VPS41: variants seen among roughly 807,000 people sequenced by gnomAD.
The protein encoded by VPS41 is vacuolar protein sorting-associated protein 41 homolog.
A neutral mutation model predicts 130.9 loss-of-function variants in VPS41; 85 were observed. That is an observed-to-expected ratio of 0.65 (90% CI 0.55 to 0.78). The LOEUF (loss-of-function observed/expected upper bound fraction) is 0.78. Among genes scored for constraint, VPS41 ranks in the 30% least tolerant of loss-of-function variants. The probability of loss-of-function intolerance (pLI) is 0.00; values close to 1 mark genes in which losing one functional copy is unlikely to be tolerated. For missense variants in VPS41, 874 were observed against 1,018.7 expected (o/e 0.86, Z 1.93); for synonymous variants, 335 against 332.9 (o/e 1.01, Z -0.07).
intron 21 of VPS41, among the ~76,000 whole-genome samples, chr7:38,754,090 T>C (rs1783739663): frequency 6.6e-6 from 1 of 151,080 alleles, no homozygotes; most frequent in Non-Finnish European, 1.5e-5. Flanking sequence ...AGAATTGAAG[T>C]AGCCCCCCAA....
intron 4 of VPS41, among the ~76,000 whole-genome samples, chr7:38,841,864 A>G (rs1275372327): frequency 6.6e-6 from 1 of 152,200 alleles, no homozygotes; most frequent in Non-Finnish European, 1.5e-5. Flanking sequence ...TTGGCCTCCC[A>G]AAGTGCTGGG....
chr7:38,811,995 A>G (rs1189319289), intron 7 of VPS41, among the ~76,000 whole-genome samples: 3 of 152,130 alleles, frequency 2.0e-5, no homozygotes, highest in African/African-American at 7.2e-5. Context: ...TCTGACTACA[A>G]TTAAGGTAGG....
Position 38,758,393 on chromosome 7 carries a change from T to C in VPS41, c.1511A>G (p.Asp504Gly). The change falls in exon 18 of 29, where the codon GAT becomes GGT. Residue 504 changes from aspartate (D) to glycine (G), a missense_variant. By Grantham distance (94) the Asp-to-Gly change is moderately conservative. Coordinates refer to ENST00000310301, the MANE Select transcript of VPS41 (RefSeq NM_014396.4). ...VQAVRDHLKK[D>G]SQNKTLLKTL... ...TTTAAGTAAAGTCTTGTTCTGACTA[T>C]CTTTCTTCAAATGATCCCGAACTGC... is the stretch of plus-strand genomic sequence containing the variant. 1 of 1,613,466 alleles carries C rather than the reference T, an allele frequency of 6.2e-7. No homozygotes were observed. Among genetic ancestry groups the C allele is most frequent in the Non-Finnish European group, 8.5e-7 (1 of 1,179,684 alleles).
intron 3 of VPS41, among the ~76,000 whole-genome samples, chr7:38,866,936 G>A (rs1236195699): frequency 6.6e-6 from 1 of 152,124 alleles, no homozygotes; most frequent in African/African-American, 2.4e-5. Context: ...TGAATGGATA[G>A]ACAAAACATG....
chr7:38,783,371 C>T (rs1000283067), intron 10 of VPS41, among the ~76,000 whole-genome samples: 24 of 151,724 alleles, frequency 1.6e-4, no homozygotes, highest in African/African-American at 5.8e-4. Context: ...CCCATCTCTA[C>T]TAAAAATACA....
chr7:38,889,559 C>CAAAA (rs200201294), intron 2 of VPS41, among the ~76,000 whole-genome samples: 1 of 120,150 alleles, frequency 8.3e-6, no homozygotes, highest in Non-Finnish European at 1.7e-5. Flanking sequence ...CAAAACAAAA[C>CAAAA]AAAAAAAAAA....
At chr7:38,744,145 G>C (rs926240813) in intron 23 of VPS41, among the ~76,000 whole-genome samples, 5 of 152,196 alleles carry the variant, frequency 3.3e-5, no homozygotes, top group African/African-American at 4.8e-5. Context: ...CTCATGAGAT[G>C]AAAGTATTTA....
At position 38,860,129 on chromosome 7, in the gene VPS41, T is replaced by C. The variant is rs563516632; in HGVS notation, c.246+2416A>G. 2.0e-5 allele frequency among the ~76,000 whole-genome samples: 3 copies of C among 152,308 alleles called. No individual in the cohort carries two copies. In the South Asian group the frequency reaches 6.2e-4, roughly 32 times the overall value. On this transcript the variant is annotated intron_variant, in intron 4 of 28. Coordinates refer to ENST00000310301, the MANE Select transcript of VPS41 (RefSeq NM_014396.4). The stretch of plus-strand genomic sequence containing the variant: ...TATACAGCCATGGGAATAACCTCAG[T>C]GTCACGATTCATTTACAAAATGATC...
In VPS41 at chr7:38,789,744, A is replaced by G; in HGVS notation, c.784+57T>C. ...ATGGCAGTCTGGGTGAGATTAATGAAGACGAAAATTTTGAATGAAGTTTTA... is the reference window on the plus strand; with the variant it reads ...ATGGCAGTCTGGGTGAGATTAATGAGGACGAAAATTTTGAATGAAGTTTTA... On this transcript the variant is annotated intron_variant, in intron 10 of 28. Coordinates refer to ENST00000310301, the MANE Select transcript of VPS41 (RefSeq NM_014396.4). 4 of 1,579,836 alleles carry G rather than the reference A, an allele frequency of 2.5e-6. No homozygotes were observed. The South Asian group carries it at 4.4e-5, about 18-fold the overall frequency.
intron 25 of VPS41, among the ~76,000 whole-genome samples, chr7:38,736,977 A>C (rs902878823): frequency 1.9e-4 from 29 of 152,192 alleles, no homozygotes; most frequent in African/African-American, 6.8e-4. Context: ...CAATATGCAG[A>C]GATTCCACAT....
intron 5 of VPS41, among the ~76,000 whole-genome samples, chr7:38,828,217 C>T (rs1785317722): frequency 6.6e-6 from 1 of 151,898 alleles, no homozygotes; most frequent in South Asian, 2.1e-4. Flanking sequence ...TTTCTAGAAA[C>T]ATATGCCAGT....
intron 2 of VPS41, among the ~76,000 whole-genome samples, chr7:38,873,852 T>G (rs1461047142): frequency 5.9e-5 from 9 of 152,056 alleles, no homozygotes. Context: ...TCTTACTGAG[T>G]TTTGGACTTA....
chr7:38,864,761 TTC>T (rs1316496107), intron 3 of VPS41, among the ~76,000 whole-genome samples: 1 of 151,678 alleles, frequency 6.6e-6, no homozygotes, highest in African/African-American at 2.4e-5. Context: ...TGAGTTTTGT[TTC>T]TTTTTTTTTT....
chr7:38,883,959 G>A (rs1354802369), intron 2 of VPS41, among the ~76,000 whole-genome samples: 1 of 152,202 alleles, frequency 6.6e-6, no homozygotes, highest in Non-Finnish European at 1.5e-5. Flanking sequence ...AAGTTTGTAA[G>A]CCAAGTGCTA....
intron 7 of VPS41, 161 bp from the exon 8 acceptor site, chr7:38,797,025 A>T: frequency 1.3e-6 from 1 of 771,494 alleles, no homozygotes; most frequent in Non-Finnish European, 2.0e-6. Context: ...TACCTTGGAA[A>T]GAATTCCTAG....
At chr7:38,811,846 T>C (rs1784949103) in intron 7 of VPS41, among the ~76,000 whole-genome samples, 1 of 152,014 alleles carries the variant, frequency 6.6e-6, no homozygotes, top group South Asian at 2.1e-4. Context: ...TTATTTGACT[T>C]AATGATTTTT....
chr7:38,875,974 A>G (rs189483193), intron 2 of VPS41, among the ~76,000 whole-genome samples: 74 of 152,320 alleles, frequency 4.9e-4, no homozygotes, highest in Middle Eastern at 3.4e-3. Flanking sequence ...ATACCCACAT[A>G]TTATTATTTA....
rs944631044 is a variant in VPS41, at chr7:38,836,559, GA to G, written c.247-6232del. Among the ~76,000 whole-genome samples, 19 of 152,020 alleles carry G rather than the reference GA, an allele frequency of 1.2e-4. 2 individuals carry two copies. The highest frequency in any genetic ancestry group is 9.6e-4 in the East Asian group (5 of 5,198). On this transcript the variant is annotated intron_variant, in intron 4 of 28. Coordinates refer to ENST00000310301, the MANE Select transcript of VPS41 (RefSeq NM_014396.4). ...TTATAAGAAGTAATTATAGGTAAAG[GA>G]TATTTACCCCATGTCATGCAGACTG...
chr7:38,737,186 C>T (rs1455283211), intron 25 of VPS41, among the ~76,000 whole-genome samples: 2 of 152,052 alleles, frequency 1.3e-5, no homozygotes, highest in Admixed American at 1.3e-4. Flanking sequence ...CTATCCTGGC[C>T]AACATGGATA....
Sources: allele counts gnomAD v4.1 joint callset (sites outside exome capture counted in the v4.1 genomes callset), GRCh38; gene constraint gnomAD v4.1.1; transcripts MANE v1.5; gene names NCBI Gene and HGNC (gene_info 2026-07-23, HGNC 2026-07-21).